The following ERBB4 variants were observed in gnomAD, a reference collection of about 807,000 sequenced individuals.
ERBB4 encodes receptor tyrosine-protein kinase erbB-4.
A neutral mutation model predicts 158.0 loss-of-function variants in ERBB4; 42 were observed. The ratio of observed to expected loss-of-function variants is 0.27; its 90% confidence interval spans 0.21 to 0.34. The LOEUF is 0.34. Among genes scored for constraint, ERBB4 ranks in the 10% least tolerant of loss-of-function variants. The pLI, the probability that ERBB4 is intolerant of heterozygous loss-of-function variation, is 1.00. For synonymous variants in ERBB4, 583 were observed against 558.7 expected (o/e 1.04, Z -0.61); for missense variants, 1,333 against 1,624.1 (o/e 0.82, Z 3.08).
intron 2 of ERBB4, among the ~76,000 whole-genome samples, chr2:212,024,578 G>A (rs2076731190): frequency 6.6e-6 from 1 of 151,848 alleles, no homozygotes; most frequent in Admixed American, 6.6e-5. Flanking sequence ...ACATTCAAAA[G>A]GAGATACATC....
At chr2:212,328,364 C>G (rs1216962397) in intron 1 of ERBB4, among the ~76,000 whole-genome samples, 7 of 151,890 alleles carry the variant, frequency 4.6e-5, no homozygotes, top group African/African-American at 1.7e-4. Flanking sequence ...CTTTTATTAC[C>G]CAGACTTGTA....
chr2:212,454,539 C>T lies in ERBB4; in HGVS notation c.82+83910G>A, dbSNP rs573111975. On this transcript the variant is annotated intron_variant, in intron 1 of 27. Transcript: ENST00000342788. ...AATATGAAAACTTTTGATTTGTGAG[C>T]TCCTGTGGAAAAATGAAAATTATTT... Among the ~76,000 whole-genome samples the T allele has an allele frequency of 2.0e-5, 3 of 152,260 alleles. No individual in the cohort carries two copies. The South Asian group carries it at 6.2e-4, about 32-fold the overall frequency.
At chr2:211,397,434 A>G (rs2062943832) in intron 25 of ERBB4, among the ~76,000 whole-genome samples, 1 of 152,250 alleles carries the variant, frequency 6.6e-6, no homozygotes, top group African/African-American at 2.4e-5. Context: ...ATGAAGCAAA[A>G]AATGAAATGG....
At chr2:211,684,365 C>A (rs190519291) in intron 12 of ERBB4, among the ~76,000 whole-genome samples, 1 of 152,056 alleles carries the variant, frequency 6.6e-6, no homozygotes, top group Non-Finnish European at 1.5e-5. Context: ...GAGGGAGAAT[C>A]GCTTGAAACC....
At chr2:212,490,299 C>T (rs1033230720) in intron 1 of ERBB4, among the ~76,000 whole-genome samples, 1 of 151,792 alleles carries the variant, frequency 6.6e-6, no homozygotes, top group African/African-American at 2.4e-5. Context: ...TTGCACATAG[C>T]GAACTGTCAA....
At chr2:211,591,782 A>T (rs370549128) in intron 19 of ERBB4, among the ~76,000 whole-genome samples, 1 of 152,224 alleles carries the variant, frequency 6.6e-6, no homozygotes, top group African/African-American at 2.4e-5. Flanking sequence ...CAGGTGTCAG[A>T]GTCATAAAAA....
intron 3 of ERBB4, among the ~76,000 whole-genome samples, chr2:211,803,294 T>G (rs1575168533): frequency 2.0e-5 from 3 of 152,256 alleles, no homozygotes; most frequent in African/African-American, 4.8e-5. Context: ...AGAATAGAAA[T>G]GGGGGGAAAT....
intron 1 of ERBB4, among the ~76,000 whole-genome samples, chr2:212,291,436 C>G (rs190785542): frequency 5.5e-4 from 84 of 152,118 alleles, no homozygotes; most frequent in Non-Finnish European, 1.0e-3. Context: ...GGAAAGTGAA[C>G]AATTTGCATT....
At position 212,143,803 on chromosome 2, in the gene ERBB4, G is replaced by A. The variant is rs113601158; in HGVS notation, c.83-18900C>T. Among the ~76,000 whole-genome samples the A allele has an allele frequency of 6.6e-3, 1,004 of 152,058 alleles. 7 individuals are homozygous for A. Among genetic ancestry groups the A allele is most frequent in the Middle Eastern group, 0.024 (7 of 294 alleles). On this transcript the variant is annotated intron_variant, in intron 1 of 27. Transcript: ENST00000342788. The stretch of plus-strand genomic sequence containing the variant: ...GAGGCCGAGGCGGGCGGATCACAAG[G>A]TCAGGAGTTCGAGACTAGCTTGGCC...
intron 4 of ERBB4, among the ~76,000 whole-genome samples, chr2:211,786,642 A>G (rs1246697138): frequency 2.0e-5 from 3 of 152,152 alleles, no homozygotes; most frequent in Non-Finnish European, 2.9e-5. Context: ...GCTGGTGGGC[A>G]CACTTCCCTT....
intron 1 of ERBB4, among the ~76,000 whole-genome samples, chr2:212,344,747 T>G (rs1393587020): frequency 1.3e-5 from 2 of 152,160 alleles, no homozygotes; most frequent in African/African-American, 2.4e-5. Flanking sequence ...TGTCTCATGA[T>G]CAAGTACAGA....
At chr2:212,044,848 T>C (rs1268092690) in intron 2 of ERBB4, among the ~76,000 whole-genome samples, 3 of 152,110 alleles carry the variant, frequency 2.0e-5, no homozygotes, top group Admixed American at 6.6e-5. Context: ...ATTTTCTTTC[T>C]TTCTTTTTTT....
chr2:211,589,303 T>G (rs1479140115), intron 19 of ERBB4, among the ~76,000 whole-genome samples: 2 of 152,160 alleles, frequency 1.3e-5, no homozygotes, highest in Non-Finnish European at 2.9e-5. Flanking sequence ...ATTTTTTAAT[T>G]AAAATGCAGT....
chr2:212,444,623 C>A (rs184102917), intron 1 of ERBB4, among the ~76,000 whole-genome samples: 2 of 152,296 alleles, frequency 1.3e-5, no homozygotes, highest in East Asian at 3.9e-4. Context: ...TCCTCAGCCT[C>A]TTTCCCCAGC....
intron 1 of ERBB4, among the ~76,000 whole-genome samples, chr2:212,345,212 G>T (rs905135622): frequency 1.5e-5 from 2 of 135,432 alleles, no homozygotes; most frequent in South Asian, 4.6e-4. Context: ...CTTGCAGTGA[G>T]CCCAGATTGT....
chr2:211,395,048 C>T (rs539722126), intron 25 of ERBB4, among the ~76,000 whole-genome samples: 9 of 152,190 alleles, frequency 5.9e-5, no homozygotes, highest in African/African-American at 2.2e-4. Flanking sequence ...CTGCCTCAAG[C>T]CCACACGATT....
chr2:211,425,479 A>G (rs1161812361), intron 22 of ERBB4, among the ~76,000 whole-genome samples: 1 of 152,014 alleles, frequency 6.6e-6, no homozygotes, highest in African/African-American at 2.4e-5. Context: ...CCTAGTGACA[A>G]TTTAATTGAC....
chr2:212,452,813 G>A (rs1434580063), intron 1 of ERBB4, among the ~76,000 whole-genome samples: 2 of 151,980 alleles, frequency 1.3e-5, no homozygotes, highest in African/African-American at 4.8e-5. Context: ...ATTAAAATAA[G>A]AGATAAAAAG....
intron 4 of ERBB4, among the ~76,000 whole-genome samples, chr2:211,754,151 C>T (rs914473338): frequency 3.3e-5 from 5 of 152,030 alleles, no homozygotes; most frequent in East Asian, 3.9e-4. Flanking sequence ...TAAGCCACCG[C>T]GCCTGGCCAA....
Sources: allele counts gnomAD v4.1 joint callset (sites outside exome capture counted in the v4.1 genomes callset), GRCh38; gene constraint gnomAD v4.1.1; transcripts MANE v1.5; gene names NCBI Gene and HGNC (gene_info 2026-07-23, HGNC 2026-07-21).